NLN: variants seen among roughly 807,000 people sequenced by gnomAD.
NLN encodes neurolysin, mitochondrial.
In NLN, 64 loss-of-function variants were observed where a neutral mutation model predicts 79.9. The ratio of observed to expected loss-of-function variants is 0.80; its 90% CI spans 0.65 to 0.99. The LOEUF is 0.99. Among genes scored for constraint, NLN ranks in the 50% least tolerant of loss-of-function variants. The probability of loss-of-function intolerance (pLI) is 0.00; values close to 1 mark genes in which losing one functional copy is unlikely to be tolerated. For synonymous variants in NLN, 267 were observed against 296.6 expected, an observed-to-expected ratio of 0.90 and a Z score of 1.02; for missense variants, 835 against 858.7, an observed-to-expected ratio of 0.97 and a Z score of 0.34.
At chr5:65,774,724 T>C in intron 3 of NLN, among the ~76,000 whole-genome samples, 1 of 98,340 alleles carries the variant, frequency 1.0e-5, no homozygotes, top group East Asian at 2.4e-4. Flanking sequence ...ATTATATATA[T>C]ATATATTTTT....
At chr5:65,812,172 C>T (rs1760561829) in intron 11 of NLN, 83 bp from the exon 12 acceptor site, 1 of 1,180,286 alleles carries the variant, frequency 8.5e-7, no homozygotes, top group African/African-American at 1.5e-5. Context: ...CAGCTGGCCT[C>T]CTCAGAGGGA....
chr5:65,791,846 G>A lies in NLN; in HGVS notation c.1326-608G>A, dbSNP rs369601063. Among the ~76,000 whole-genome samples the A allele has an allele frequency of 2.4e-4, 37 of 152,286 alleles. No individual in the cohort carries two copies. The East Asian group carries it at 5.0e-3, about 21-fold the overall frequency. ...GGAGAATGAAGTCTAATAGCTTTTG[G>A]AAAGACCACACAGATACGACACTGT... is the stretch of plus-strand genomic sequence containing the variant. On this transcript the variant is annotated intron_variant, in intron 8 of 12. Coordinates refer to ENST00000380985, the MANE Select transcript of NLN (RefSeq NM_020726.5).
chr5:65,798,057 G>A (rs1024784806), intron 9 of NLN, among the ~76,000 whole-genome samples: 12 of 152,010 alleles, frequency 7.9e-5, no homozygotes, highest in East Asian at 1.9e-4. Context: ...CCCAGGAAGC[G>A]AAAGACAAGC....
Position 65,792,660 on chromosome 5 carries a change from G to GTTT in NLN, c.1527+13_1527+15dup. 6.6e-7 allele frequency: 1 copy of GTTT among 1,516,924 alleles called. No homozygotes were observed. The highest frequency in any genetic ancestry group is 9.0e-7 in the Non-Finnish European group (1 of 1,109,560). The allele number at this position is 1,516,924 out of a possible 1,614,324, so 94.0% of individuals were successfully genotyped here. ...ATGCATCAGATTTGTGCACAGGTGA[G>GTTT]TTTTTTTTTTCCCCCAGTAAACCTG... On this transcript the variant is annotated splice_donor_region_variant and intron_variant, in intron 9 of 12. Coordinates refer to ENST00000380985, the MANE Select transcript of NLN (RefSeq NM_020726.5).
intron 3 of NLN, among the ~76,000 whole-genome samples, chr5:65,766,461 G>A (rs1759452666): frequency 1.3e-5 from 2 of 152,062 alleles, no homozygotes; most frequent in South Asian, 2.1e-4. Context: ...CAGCATGGGG[G>A]AAACCACCCC....
chr5:65,741,020 G>C (rs1314824561), intron 1 of NLN: 1 of 153,268 alleles, frequency 6.5e-6, no homozygotes, highest in Non-Finnish European at 1.5e-5. Context: ...TGGGATTACA[G>C]GTGTACACCA....
chr5:65,816,961 T>C (rs555491340), intron 12 of NLN, among the ~76,000 whole-genome samples: 1 of 152,162 alleles, frequency 6.6e-6, no homozygotes, highest in Non-Finnish European at 1.5e-5. Flanking sequence ...GTTGATGTTA[T>C]TGGTTATGCA....
At chr5:65,777,803 C>A (rs1759713316) in intron 4 of NLN, among the ~76,000 whole-genome samples, 1 of 152,078 alleles carries the variant, frequency 6.6e-6, no homozygotes, top group Non-Finnish European at 1.5e-5. Flanking sequence ...ATAAGGGATA[C>A]CCAATTTGTG....
intron 6 of NLN, 110 bp downstream of exon 6, chr5:65,781,531 G>T: frequency 1.3e-6 from 1 of 770,178 alleles, no homozygotes; most frequent in Non-Finnish European, 2.2e-6. Flanking sequence ...TCCTGTGTGT[G>T]CACTGTATCT....
At chr5:65,724,165 A>T (rs1382361714) in intron 1 of NLN, among the ~76,000 whole-genome samples, 1 of 142,938 alleles carries the variant, frequency 7.0e-6, no homozygotes, top group South Asian at 2.2e-4. Flanking sequence ...TTTTAAGTGT[A>T]CAATTGAGAG....
chr5:65,773,119 T>G (rs1436786665), intron 3 of NLN, among the ~76,000 whole-genome samples: 1 of 142,364 alleles, frequency 7.0e-6, no homozygotes, highest in African/African-American at 2.6e-5. Flanking sequence ...CACCCAGCCC[T>G]GAATTCTATT....
intron 9 of NLN, 132 bp downstream of exon 9, chr5:65,792,787 G>A: frequency 1.3e-6 from 1 of 770,466 alleles, no homozygotes. Context: ...TAGGCCTTCT[G>A]CAAAACCAAA....
intron 3 of NLN, among the ~76,000 whole-genome samples, chr5:65,764,763 CA>C (rs1759416469): frequency 6.6e-6 from 1 of 152,098 alleles, no homozygotes; most frequent in African/African-American, 2.4e-5. Context: ...ATTGTGTGAA[CA>C]TTTTTTAGGG....
rs1013573156 is a variant in NLN at position 65,824,522 on chromosome 5, TC to T, written c.*1612del. On this transcript the variant is annotated 3_prime_UTR_variant, in exon 13 of 13. Transcript: ENST00000380985. The stretch of plus-strand genomic sequence containing the variant: ...GCCTATAGTAGTTTTCTCACATCTT[TC>T]CCCCTAGACTTTTCTGTTTTTCAGT... 6.6e-6 allele frequency: 1 copy of T among 152,136 alleles called. No individual in the cohort carries two copies. Among genetic ancestry groups the T allele is most frequent in the African/African-American group, 2.4e-5 (1 of 41,440 alleles). The allele number at this position is 152,136 out of a possible 1,614,324, so 9.4% of individuals were successfully genotyped here.
intron 6 of NLN, among the ~76,000 whole-genome samples, chr5:65,783,830 T>G (rs1759856833): frequency 6.6e-6 from 1 of 152,146 alleles, no homozygotes; most frequent in Non-Finnish European, 1.5e-5. Flanking sequence ...AAAATCTAAT[T>G]AAACTATTTA....
chr5:65,747,337 G>A (rs567758461), intron 1 of NLN, among the ~76,000 whole-genome samples: 1 of 152,266 alleles, frequency 6.6e-6, no homozygotes, highest in East Asian at 1.9e-4. Context: ...TTTCCTGAAG[G>A]CTTGGGAGTC....
chr5:65,739,012 T>TA lies in NLN; in HGVS notation c.41+16598_41+16599insA, dbSNP rs1473631456. On this transcript the variant is annotated intron_variant, in intron 1 of 12. Coordinates refer to ENST00000380985, the MANE Select transcript of NLN (RefSeq NM_020726.5). ...TTTATATATATTTTATAATATATAT[T>TA]TATATATATAAATATATAATATATA... is the stretch of plus-strand genomic sequence containing the variant. Among the ~76,000 whole-genome samples the TA allele has an allele frequency of 9.1e-3, 1,027 of 113,466 alleles. 1 individual carries two copies. The highest frequency in any genetic ancestry group is 0.011 in the Non-Finnish European group (590 of 53,576). 74.4% of individuals were successfully genotyped at this position (113,466 alleles called of 152,430 possible).
chr5:65,823,248 CAT>C lies in NLN; in HGVS notation c.*340_*341del, dbSNP rs1561217685. 5.4e-6 allele frequency: 1 copy of C among 186,378 alleles called. No individual in the cohort carries two copies. Among genetic ancestry groups the C allele is most frequent in the Non-Finnish European group, 1.1e-5 (1 of 89,576 alleles). 11.5% of individuals were successfully genotyped at this position (186,378 alleles called of 1,614,324 possible). A position where few individuals can be genotyped will look rare whatever the true frequency, so the allele number is the denominator to read the frequency against. ...AGGGCTAAGAATTTTTAAATTGAAT[CAT>C]ATATATGATATAATTTGATCCTTCT... is the stretch of plus-strand genomic sequence containing the variant. On this transcript the variant is annotated 3_prime_UTR_variant, in exon 13 of 13. Transcript: ENST00000380985.
chr5:65,815,023 C>T (rs151197956), intron 12 of NLN, among the ~76,000 whole-genome samples: 4 of 152,198 alleles, frequency 2.6e-5, no homozygotes, highest in Non-Finnish European at 5.9e-5. Context: ...CTTATTTTTA[C>T]ATAGTACATA....
Sources: gnomAD v4.1 joint callset for allele counts (sites outside exome capture counted in the v4.1 genomes callset) on GRCh38, gnomAD v4.1.1 for gene constraint, MANE v1.5 for transcripts, NCBI Gene and HGNC (gene_info 2026-07-23, HGNC 2026-07-21) for gene names.